Variants in GAD2 observed in about 807,000 individuals in gnomAD.
GAD2 encodes 65 kDa glutamic acid decarboxylase.
In GAD2, 22 loss-of-function variants were observed where a neutral mutation model predicts 80.1. The observed-to-expected ratio is 0.27, with a 90% CI of 0.20 to 0.39. The LOEUF is 0.39. GAD2 is among the 10% of genes least tolerant of loss of function. The pLI is 1.00. For missense variants in GAD2, 624 were observed against 738.4 expected, an observed-to-expected ratio of 0.85 and a Z score of 1.80; for synonymous variants, 274 against 256.9, an observed-to-expected ratio of 1.07 and a Z score of -0.64.
chr10:26,233,456 T>C (rs76611077), intron 7 of GAD2, among the ~76,000 whole-genome samples: 2,012 of 152,262 alleles, frequency 0.013, 39 homozygotes, highest in African/African-American at 0.045. Flanking sequence ...GTCCTGCATC[T>C]TCTTGAACCC....
chr10:26,245,371 T>G (rs1160464447), intron 7 of GAD2, among the ~76,000 whole-genome samples: 2 of 149,948 alleles, frequency 1.3e-5, no homozygotes, highest in African/African-American at 2.5e-5. Context: ...ACCCTGGAAC[T>G]TAAAATAAAA....
intron 15 of GAD2, among the ~76,000 whole-genome samples, chr10:26,296,864 G>C (rs1834278948): frequency 6.6e-6 from 1 of 152,106 alleles, no homozygotes; most frequent in African/African-American, 2.4e-5. Context: ...CTCTTTGAAA[G>C]TCTGTGTTAT....
At position 26,300,949 on chromosome 10, in the gene GAD2, A is replaced by G; in HGVS notation, c.1746A>G (p.Gly582=). The G allele has an allele frequency of 6.2e-7, 1 of 1,613,748 alleles. No homozygotes were observed. The highest frequency in any genetic ancestry group is 1.1e-5 in the South Asian group (1 of 91,056). Residue 582 remains glycine (G), a synonymous_variant, in exon 16 of 16, where the codon GGA becomes GGG. Transcript: ENST00000376261. ...TGATTGAAGAAATAGAACGCCTTGG[A>G]CAAGATTTATAATAACCTTGCTCAC... is the stretch of plus-strand genomic sequence containing the variant. ...DFLIEEIERL[G]QDL
At chr10:26,259,108 G>A (rs1844978686) in intron 8 of GAD2, among the ~76,000 whole-genome samples, 2 of 152,296 alleles carry the variant, frequency 1.3e-5, no homozygotes. Flanking sequence ...GTGAGCCACT[G>A]TGCCCAGCCT....
chr10:26,284,531 A>C (rs1037150681), intron 12 of GAD2, among the ~76,000 whole-genome samples: 2 of 142,502 alleles, frequency 1.4e-5, no homozygotes, highest in Non-Finnish European at 3.0e-5. Context: ...TTTGCTTGTC[A>C]TGTTGTACAG....
At chr10:26,249,981 T>C (rs1321873570) in intron 8 of GAD2, among the ~76,000 whole-genome samples, 1 of 150,990 alleles carries the variant, frequency 6.6e-6, no homozygotes, top group Non-Finnish European at 1.5e-5. Flanking sequence ...GATCAGTGAC[T>C]GGCCAGGGGG....
At position 26,293,172 on chromosome 10, in the gene GAD2, CTT is replaced by C. The variant is rs987030977; in HGVS notation, c.1584+203_1584+204del. ...CCTGATATATGCAGACATTTTTCTTCTTTTTTTTTTTTTTTTTTTTTTTGAGA... is the reference window on the plus strand; with the variant it reads ...CCTGATATATGCAGACATTTTTCTTCTTTTTTTTTTTTTTTTTTTTTGAGA... On this transcript the variant is annotated intron_variant, in intron 15 of 15. Coordinates refer to ENST00000376261, the MANE Select transcript of GAD2 (RefSeq NM_001134366.2). Among the ~76,000 whole-genome samples the C allele has an allele frequency of 1.5e-4, 14 of 96,430 alleles. No individual in the cohort carries two copies. In the East Asian group the frequency reaches 1.9e-3, roughly 13 times the overall value. 63.3% of individuals were successfully genotyped at this position (96,430 alleles called of 152,430 possible).
chr10:26,216,721 A>C (rs1844375534), upstream of GAD2: 2 of 1,118,256 alleles, frequency 1.8e-6, no homozygotes, highest in Non-Finnish European at 2.5e-6. This position sits in a 1 kb window ranked among gnomAD's most constrained non-coding sequence, Gnocchi z 4.7. Context: ...CTCCCGCCAC[A>C]CGGGCACGCA....
chr10:26,292,693 G>A, intron 14 of GAD2, 121 bp downstream of exon 14: 6 of 874,696 alleles, frequency 6.9e-6, no homozygotes, highest in Non-Finnish European at 1.1e-5. Context: ...AGCAGTGGAT[G>A]ACGGGGTAGC....
intron 13 of GAD2, among the ~76,000 whole-genome samples, chr10:26,290,938 T>C (rs1348581418): frequency 6.6e-6 from 1 of 152,148 alleles, no homozygotes; most frequent in Non-Finnish European, 1.5e-5. Context: ...AGCCCCCAAC[T>C]AAAGGGGCAG....
chr10:26,255,612 G>C (rs1330703090), intron 8 of GAD2, among the ~76,000 whole-genome samples: 1 of 136,460 alleles, frequency 7.3e-6, no homozygotes, highest in East Asian at 2.3e-4. Flanking sequence ...AAAGAAGGAA[G>C]GAAGGAAGGG....
intron 7 of GAD2, among the ~76,000 whole-genome samples, chr10:26,239,875 G>A (rs1454081922): frequency 1.3e-5 from 2 of 152,196 alleles, no homozygotes; most frequent in South Asian, 2.1e-4. Context: ...CAACGCACCA[G>A]GTAGACAGAG....
rs1234539170 is a variant in GAD2, at chr10:26,293,193, T to TTC, written c.1584+203_1584+204insCT. ...TCTTCTTTTTTTTTTTTTTTTTTTT[T>TTC]TTGAGATGGAGTCTCACTGTGTCTT... On this transcript the variant is annotated intron_variant, in intron 15 of 15. Coordinates refer to ENST00000376261, the MANE Select transcript of GAD2 (RefSeq NM_001134366.2). Among the ~76,000 whole-genome samples, 1,058 of 137,204 alleles carry TTC rather than the reference T, an allele frequency of 7.7e-3. 9 individuals carry two copies. The highest frequency in any genetic ancestry group is 0.023 in the African/African-American group (808 of 35,072). The allele number at this position is 137,204 out of a possible 152,430, so 90.0% of individuals were successfully genotyped here. A position where few individuals can be genotyped will look rare whatever the true frequency, so the allele number is the denominator to read the frequency against.
chr10:26,295,515 CA>C (rs1834264964), intron 15 of GAD2, among the ~76,000 whole-genome samples: 1 of 150,550 alleles, frequency 6.6e-6, no homozygotes, highest in African/African-American at 2.4e-5. Context: ...CATGCACACA[CA>C]CACACACACA....
intron 7 of GAD2, among the ~76,000 whole-genome samples, chr10:26,240,500 G>A (rs548463399): frequency 6.6e-6 from 1 of 152,214 alleles, no homozygotes; most frequent in East Asian, 1.9e-4. Flanking sequence ...GGGAGGCTGA[G>A]GTGGGCAAAT....
chr10:26,240,746 A>AT (rs1554851024), intron 7 of GAD2, among the ~76,000 whole-genome samples: 2 of 149,614 alleles, frequency 1.3e-5, no homozygotes, highest in African/African-American at 2.5e-5. Context: ...AAAAAAAAAA[A>AT]TGTGGATGGG....
Position 26,223,924 on chromosome 10 carries a change from G to A in GAD2, c.558G>A (p.Leu186=). The change falls in exon 5 of 16, where the codon TTG becomes TTA. Residue 186 remains leucine, a synonymous_variant. Transcript: ENST00000376261. ...PRYFNQLSTG[L]DMVGLAADWL... ...ACTTCAATCAACTTTCTACTGGTTT[G>A]GATATGGTTGGATTAGCAGCAGACT... The A allele has an allele frequency of 6.2e-7, 1 of 1,610,218 alleles. No individual in the cohort carries two copies. Among genetic ancestry groups the A allele is most frequent in the Non-Finnish European group, 8.5e-7 (1 of 1,178,808 alleles).
chr10:26,288,422 CCT>C (rs1834172923), intron 13 of GAD2, among the ~76,000 whole-genome samples: 1 of 152,188 alleles, frequency 6.6e-6, no homozygotes, highest in Non-Finnish European at 1.5e-5. Context: ...GGGCCCCCTT[CCT>C]CTTTTGAAAA....
intron 11 of GAD2, among the ~76,000 whole-genome samples, chr10:26,275,853 C>T (rs1394270101): frequency 6.6e-6 from 1 of 152,166 alleles, no homozygotes; most frequent in Non-Finnish European, 1.5e-5. Flanking sequence ...ATCCTGAATG[C>T]CATTCTCATA....
Sources: gnomAD v4.1 joint callset for allele counts (sites outside exome capture counted in the v4.1 genomes callset) on GRCh38, gnomAD v4.1.1 for gene constraint, Gnocchi (gnomAD v3.1) non-coding constraint, MANE v1.5 for transcripts, NCBI Gene and HGNC (gene_info 2026-07-23, HGNC 2026-07-21) for gene names.